CACNB2: variants seen among roughly 807,000 people sequenced by gnomAD.
CACNB2 encodes voltage-dependent L-type calcium channel subunit beta-2.
CACNB2 carries 42 observed loss-of-function variants against 73.3 expected under a neutral mutation model. The ratio of observed to expected loss-of-function variants is 0.57; its 90% CI spans 0.45 to 0.74. The LOEUF is 0.74. Ranked by LOEUF, CACNB2 falls within the 30% of genes least tolerant of loss-of-function variation. The probability of loss-of-function intolerance (pLI) is 0.00; values close to 1 mark genes in which losing one functional copy is unlikely to be tolerated. For missense variants in CACNB2, 940 were observed against 853.0 expected, an observed-to-expected ratio of 1.10 and a Z score of -1.27; for synonymous variants, 348 against 310.3, an observed-to-expected ratio of 1.12 and a Z score of -1.28.
chr10:18,327,480 AG>A (rs1321479077), intron 2 of CACNB2, among the ~76,000 whole-genome samples: 1 of 152,174 alleles, frequency 6.6e-6, no homozygotes, highest in East Asian at 1.9e-4. Context: ...GCTGGAGGGC[AG>A]TGGAGTGATC....
At chr10:18,399,629 C>G (rs1390008771) in intron 2 of CACNB2, among the ~76,000 whole-genome samples, 1 of 152,042 alleles carries the variant, frequency 6.6e-6, no homozygotes, top group Non-Finnish European at 1.5e-5. Flanking sequence ...GCAATCCTCC[C>G]ACTTTGGCCT....
chr10:18,337,390 C>T (rs2041050451), intron 2 of CACNB2, among the ~76,000 whole-genome samples: 1 of 152,208 alleles, frequency 6.6e-6, no homozygotes, highest in South Asian at 2.1e-4. Flanking sequence ...GCGTGAGCCA[C>T]CATGCCCGGC....
At chr10:18,496,674 C>T (rs1432735813) in intron 3 of CACNB2, among the ~76,000 whole-genome samples, 4 of 151,598 alleles carry the variant, frequency 2.6e-5, no homozygotes, top group South Asian at 2.1e-4. Flanking sequence ...ATTAGCTGGG[C>T]GTGGTGGCGG....
intron 7 of CACNB2, among the ~76,000 whole-genome samples, chr10:18,515,581 G>T (rs1051288849): frequency 1.3e-5 from 2 of 152,064 alleles, no homozygotes; most frequent in African/African-American, 4.8e-5. Context: ...GGCTTTTTTT[G>T]AATCAATTAT....
At chr10:18,380,845 G>C (rs1286891902) in intron 2 of CACNB2, among the ~76,000 whole-genome samples, 1 of 152,020 alleles carries the variant, frequency 6.6e-6, no homozygotes, top group African/African-American at 2.4e-5. Flanking sequence ...GAATAGGAAA[G>C]GAGATAAATA....
chr10:18,351,378 T>C (rs559917399), intron 2 of CACNB2, among the ~76,000 whole-genome samples: 94 of 152,338 alleles, frequency 6.2e-4, no homozygotes, highest in African/African-American at 2.2e-3. Flanking sequence ...GTGCTAGAGA[T>C]CTTTTCTGAT....
At chr10:18,184,798 T>C (rs1338052700) in intron 2 of CACNB2, among the ~76,000 whole-genome samples, 4 of 152,108 alleles carry the variant, frequency 2.6e-5, no homozygotes, top group Non-Finnish European at 4.4e-5. Context: ...CCTGCCATGA[T>C]GATTCGCTGC....
At chr10:18,520,710 CT>C (rs2051783185) in intron 9 of CACNB2, among the ~76,000 whole-genome samples, 2 of 152,350 alleles carry the variant, frequency 1.3e-5, no homozygotes, top group African/African-American at 4.8e-5. Context: ...CATTCTCACC[CT>C]GCCGTACTTA....
intron 2 of CACNB2, among the ~76,000 whole-genome samples, chr10:18,222,973 A>G (rs1317512749): frequency 6.6e-6 from 1 of 152,162 alleles, no homozygotes; most frequent in African/African-American, 2.4e-5. Context: ...TTGCCTCAAA[A>G]GTAAGCTTTC....
At chr10:18,436,611 ATTTG>A (rs950129259) in intron 3 of CACNB2, among the ~76,000 whole-genome samples, 36 of 152,256 alleles carry the variant, frequency 2.4e-4, no homozygotes, top group East Asian at 3.9e-4. Flanking sequence ...TGCAAAGCAT[ATTTG>A]TTTGTTTGTT....
chr10:18,355,645 T>A (rs1307332834), intron 2 of CACNB2, among the ~76,000 whole-genome samples: 5 of 151,746 alleles, frequency 3.3e-5, no homozygotes, highest in African/African-American at 1.2e-4. Flanking sequence ...TTTTTTTTTT[T>A]TATTTTTTTG....
intron 3 of CACNB2, among the ~76,000 whole-genome samples, chr10:18,410,444 C>A (rs183946135): frequency 8.5e-5 from 13 of 152,080 alleles, no homozygotes; most frequent in African/African-American, 2.4e-5. Context: ...CCCTAACTAG[C>A]CTTTGAAGAA....
At chr10:18,336,926 C>G (rs1325737355) in intron 2 of CACNB2, among the ~76,000 whole-genome samples, 1 of 152,050 alleles carries the variant, frequency 6.6e-6, no homozygotes. Flanking sequence ...TTGAAAAGTA[C>G]TAAATTTTTT....
At chr10:18,439,796 C>T (rs1401530863) in intron 3 of CACNB2, among the ~76,000 whole-genome samples, 1 of 152,166 alleles carries the variant, frequency 6.6e-6, no homozygotes, top group Non-Finnish European at 1.5e-5. Flanking sequence ...ATCCTTCCTC[C>T]CTCCCTCCCT....
chr10:18,523,079 G>C (rs914151546), intron 9 of CACNB2, among the ~76,000 whole-genome samples: 3 of 151,914 alleles, frequency 2.0e-5, no homozygotes, highest in Non-Finnish European at 4.4e-5. Flanking sequence ...TTTGTGACAG[G>C]AAATAGACCC....
intron 2 of CACNB2, among the ~76,000 whole-genome samples, chr10:18,355,688 G>A (rs1302132224): frequency 1.3e-5 from 2 of 150,260 alleles, no homozygotes; most frequent in African/African-American, 4.9e-5. Flanking sequence ...CCAGGGTGGA[G>A]TACAGTGGCG....
In CACNB2 at chr10:18,228,450, G is replaced by GA. The variant is rs1275938431; in HGVS notation, c.213+77486dup. 7.3e-3 allele frequency among the ~76,000 whole-genome samples: 504 copies of GA among 68,998 alleles called. 2 individuals carry two copies. Among genetic ancestry groups the GA allele is most frequent in the Non-Finnish European group, 0.011 (390 of 35,718 alleles). 45.3% of individuals were successfully genotyped at this position (68,998 alleles called of 152,430 possible). On this transcript the variant is annotated intron_variant, in intron 2 of 13. Coordinates refer to ENST00000324631, the MANE Select transcript of CACNB2 (RefSeq NM_201596.3). ...CTCTACCTCAAAAAAAAAAAAAAAAGAAAAAAAAAAAGAAAAGAAAAAACA... is the reference window on the plus strand; with the variant it reads ...CTCTACCTCAAAAAAAAAAAAAAAAGAAAAAAAAAAAAGAAAAGAAAAAACA...
At chr10:18,516,772 G>A (rs2051322519) in intron 7 of CACNB2, among the ~76,000 whole-genome samples, 2 of 151,336 alleles carry the variant, frequency 1.3e-5, no homozygotes, top group Admixed American at 1.3e-4. Context: ...TTAGAGTGGT[G>A]CTTGTGTGGT....
At chr10:18,433,426 G>A (rs1230518327) in intron 3 of CACNB2, among the ~76,000 whole-genome samples, 1 of 152,146 alleles carries the variant, frequency 6.6e-6, no homozygotes, top group African/African-American at 2.4e-5. Context: ...GTTTTGCCCT[G>A]CACAGAACTC....
Sources: gnomAD v4.1 joint callset for allele counts (sites outside exome capture counted in the v4.1 genomes callset) on GRCh38, gnomAD v4.1.1 for gene constraint, MANE v1.5 for transcripts, NCBI Gene and HGNC (gene_info 2026-07-23, HGNC 2026-07-21) for gene names.